The following ZNF804B variants were observed in gnomAD, a reference collection of about 807,000 sequenced individuals.
ZNF804B encodes zinc finger protein 804B.
A neutral mutation model predicts 101.4 loss-of-function variants in ZNF804B; 80 were observed. The observed-to-expected ratio is 0.79, with a 90% confidence interval of 0.66 to 0.95. The LOEUF (loss-of-function observed/expected upper bound fraction) is 0.95. ZNF804B is among the 40% of genes least tolerant of loss of function. The pLI, the probability that ZNF804B is intolerant of heterozygous loss-of-function variation, is 0.00. For missense variants in ZNF804B, 1,673 were observed against 1,561.9 expected (o/e 1.07, Z -1.20); for synonymous variants, 622 against 558.8 (o/e 1.11, Z -1.59).
intron 2 of ZNF804B, among the ~76,000 whole-genome samples, chr7:89,221,045 G>A (rs772973064): frequency 2.0e-5 from 3 of 151,844 alleles, no homozygotes; most frequent in Non-Finnish European, 2.9e-5. Context: ...GGCATATAAT[G>A]TCTGGTTGTC....
intron 1 of ZNF804B, among the ~76,000 whole-genome samples, chr7:88,824,854 CA>C (rs1169853786): frequency 3.3e-5 from 5 of 152,088 alleles, no homozygotes; most frequent in African/African-American, 1.2e-4. Flanking sequence ...GACTTACAAT[CA>C]GTAGTAATGA....
At chr7:88,783,172 TCAACCCACTAAG>T (rs1790255009) in intron 1 of ZNF804B, among the ~76,000 whole-genome samples, 1 of 152,178 alleles carries the variant, frequency 6.6e-6, no homozygotes, top group East Asian at 1.9e-4. Context: ...ACCCCATAAG[TCAACCCACTAAG>T]CACGTGGCTA....
At chr7:88,982,663 C>T (rs1191755842) in intron 1 of ZNF804B, among the ~76,000 whole-genome samples, 1 of 151,964 alleles carries the variant, frequency 6.6e-6, no homozygotes, top group East Asian at 1.9e-4. Context: ...TTAGTTACAC[C>T]CCTCTAAAGG....
chr7:89,211,502 T>C (rs1788803273), intron 1 of ZNF804B, among the ~76,000 whole-genome samples: 1 of 152,216 alleles, frequency 6.6e-6, no homozygotes, highest in Non-Finnish European at 1.5e-5. Context: ...TTTTGGGTTT[T>C]ATATATAAGT....
intron 1 of ZNF804B, among the ~76,000 whole-genome samples, chr7:88,761,716 G>A (rs141783027): frequency 1.3e-5 from 2 of 152,332 alleles, no homozygotes; most frequent in East Asian, 3.8e-4. Context: ...AAATTGGGTA[G>A]GGCATTGTAC....
chr7:89,217,700 C>A (rs940055310), intron 1 of ZNF804B, among the ~76,000 whole-genome samples: 1 of 152,126 alleles, frequency 6.6e-6, no homozygotes, highest in Non-Finnish European at 1.5e-5. Flanking sequence ...CAATGTTGAA[C>A]ATAATGGATA....
At chr7:89,320,520 T>G (rs1468529582) in intron 2 of ZNF804B, among the ~76,000 whole-genome samples, 1 of 152,098 alleles carries the variant, frequency 6.6e-6, no homozygotes, top group Non-Finnish European at 1.5e-5. Flanking sequence ...GGAGCACTTG[T>G]GATATTTAGC....
chr7:89,152,222 A>G (rs965365585), intron 1 of ZNF804B, among the ~76,000 whole-genome samples: 1 of 151,316 alleles, frequency 6.6e-6, no homozygotes. Context: ...CAAATAGTCA[A>G]GTAATGTTTC....
At chr7:88,772,044 A>G (rs1024455562) in intron 1 of ZNF804B, among the ~76,000 whole-genome samples, 1 of 152,186 alleles carries the variant, frequency 6.6e-6, no homozygotes, top group Non-Finnish European at 1.5e-5. Flanking sequence ...AAGCAGGGTT[A>G]TTGCCAAGAA....
At chr7:88,952,742 G>C (rs1793244108) in intron 1 of ZNF804B, among the ~76,000 whole-genome samples, 1 of 151,762 alleles carries the variant, frequency 6.6e-6, no homozygotes, top group Admixed American at 6.6e-5. Flanking sequence ...AGATGCCTTT[G>C]ATATTTTGAT....
At chr7:88,926,247 G>C (rs1792794573) in intron 1 of ZNF804B, among the ~76,000 whole-genome samples, 1 of 151,998 alleles carries the variant, frequency 6.6e-6, no homozygotes, top group African/African-American at 2.4e-5. Flanking sequence ...CGAAGATCTG[G>C]GAAATCCTAG....
intron 1 of ZNF804B, among the ~76,000 whole-genome samples, chr7:89,078,686 A>G (rs1438332012): frequency 6.8e-6 from 1 of 147,352 alleles, no homozygotes; most frequent in Non-Finnish European, 1.5e-5. Context: ...CATATTTTCT[A>G]ACTAAGATTT....
At chr7:89,307,539 A>G (rs1790583999) in intron 2 of ZNF804B, among the ~76,000 whole-genome samples, 1 of 152,046 alleles carries the variant, frequency 6.6e-6, no homozygotes, top group African/African-American at 2.4e-5. Context: ...TAAATTATAA[A>G]TTTGATTCTA....
intron 1 of ZNF804B, among the ~76,000 whole-genome samples, chr7:88,766,010 G>T (rs1341534859): frequency 6.6e-6 from 1 of 152,176 alleles, no homozygotes; most frequent in Non-Finnish European, 1.5e-5. Flanking sequence ...ACACAAAAGA[G>T]TATTATGGTG....
At position 89,254,794 on chromosome 7, in the gene ZNF804B, C is replaced by T. The variant is rs58903929; in HGVS notation, c.249+36499C>T. The stretch of plus-strand genomic sequence containing the variant: ...CCCAGTAGCTGGGATTACAGGCGCC[C>T]GCCACCACACCCAACTAATTTTTGT... On this transcript the variant is annotated intron_variant, in intron 2 of 3. Coordinates refer to ENST00000333190, the MANE Select transcript of ZNF804B (RefSeq NM_181646.5). Among the ~76,000 whole-genome samples, 788 of 151,754 alleles carry T rather than the reference C, an allele frequency of 5.2e-3. 7 individuals are homozygous for T. Among genetic ancestry groups the T allele is most frequent in the African/African-American group, 0.018 (762 of 41,386 alleles).
rs533016657 is a variant in ZNF804B, at chr7:89,130,200, C to T, written c.109-87955C>T. On this transcript the variant is annotated intron_variant, in intron 1 of 3. Transcript: ENST00000333190. ...CTGCATCCCAATTGAAAGGTGGCTG[C>T]GGGTCCCTTTATCTTGCAGGCTGTA... Among the ~76,000 whole-genome samples, 79 of 151,922 alleles carry T rather than the reference C, an allele frequency of 5.2e-4. 1 individual carries two copies. The highest frequency in any genetic ancestry group is 8.2e-4 in the Non-Finnish European group (56 of 67,896).
rs552141675 is a variant in ZNF804B at position 89,024,391 on chromosome 7, T to C, written c.109-193764T>C. Among the ~76,000 whole-genome samples the C allele has an allele frequency of 6.6e-5, 10 of 152,202 alleles. No homozygotes were observed. The East Asian group carries it at 1.9e-3, about 29-fold the overall frequency. On this transcript the variant is annotated intron_variant, in intron 1 of 3. Coordinates refer to ENST00000333190, the MANE Select transcript of ZNF804B (RefSeq NM_181646.5). ...TAGCTCACAAACTTAGTGTTTCCCTTCCTTTTATATGTCATGAAACATGCA... is the reference window on the plus strand; with the variant it reads ...TAGCTCACAAACTTAGTGTTTCCCTCCCTTTTATATGTCATGAAACATGCA...
chr7:89,090,497 A>G (rs763535389), intron 1 of ZNF804B, among the ~76,000 whole-genome samples: 5 of 152,118 alleles, frequency 3.3e-5, no homozygotes, highest in East Asian at 1.9e-4. Flanking sequence ...ATTTGATAAA[A>G]TAAATGTAAC....
At chr7:88,991,225 C>T (rs1334841255) in intron 1 of ZNF804B, among the ~76,000 whole-genome samples, 1 of 152,138 alleles carries the variant, frequency 6.6e-6, no homozygotes, top group African/African-American at 2.4e-5. Context: ...ACTGCTAGTC[C>T]TCATGATGCT....
Sources: allele counts gnomAD v4.1 joint callset (sites outside exome capture counted in the v4.1 genomes callset), GRCh38; gene constraint gnomAD v4.1.1; transcripts MANE v1.5; gene names NCBI Gene and HGNC (gene_info 2026-07-23, HGNC 2026-07-21).